The following KLF12 variants were observed in gnomAD, a reference collection of about 807,000 sequenced individuals.
The protein encoded by KLF12 is Krueppel-like factor 12.
A neutral mutation model predicts 37.8 loss-of-function variants in KLF12; 9 were observed. The observed-to-expected ratio is 0.24, with a 90% CI of 0.14 to 0.42. The LOEUF (loss-of-function observed/expected upper bound fraction) is 0.42. Among genes scored for constraint, KLF12 ranks in the 10% least tolerant of loss-of-function variants. The pLI, the probability that KLF12 is intolerant of heterozygous loss-of-function variation, is 1.00. For synonymous variants in KLF12, 208 were observed against 202.1 expected (o/e 1.03, Z -0.25); for missense variants, 411 against 516.0 (o/e 0.80, Z 1.97).
chr13:73,731,416 ATAACT>A (rs1199568372), intron 6 of KLF12, among the ~76,000 whole-genome samples: 2 of 152,026 alleles, frequency 1.3e-5, no homozygotes, highest in African/African-American at 4.8e-5. Flanking sequence ...ATTTCCAGAA[ATAACT>A]TAAATGGATT....
rs549687773 is a variant in KLF12, at chr13:74,131,587, A to T, written c.-32+2152T>A. Among the ~76,000 whole-genome samples the T allele has an allele frequency of 3.9e-5, 6 of 152,330 alleles. No individual in the cohort carries two copies. The East Asian group carries it at 9.6e-4, about 24-fold the overall frequency. On this transcript the variant is annotated intron_variant, in intron 1 of 7. Coordinates refer to ENST00000377669, the MANE Select transcript of KLF12 (RefSeq NM_007249.5). ...GAGAATATTAAGGACTCATTAGCAC[A>T]ACAATTTTTTTCAATAAACAGTAAT... is the stretch of plus-strand genomic sequence containing the variant.
intron 4 of KLF12, among the ~76,000 whole-genome samples, chr13:73,827,022 C>T (rs1883885975): frequency 1.3e-5 from 2 of 152,192 alleles, no homozygotes; most frequent in African/African-American, 4.8e-5. Context: ...CTTAAGTGAT[C>T]TGCCCACCTT....
the KLF12 span, among the ~76,000 whole-genome samples, chr13:74,198,078 A>C: frequency 2.6e-5 from 4 of 152,130 alleles, no homozygotes; most frequent in Non-Finnish European, 5.9e-5. Flanking sequence ...GAGACAAAGA[A>C]AAAAATCTCT....
chr13:74,140,022 T>A, the KLF12 span, among the ~76,000 whole-genome samples: 1 of 152,150 alleles, frequency 6.6e-6, no homozygotes, highest in Admixed American at 6.5e-5. Flanking sequence ...ATAAAACTGA[T>A]AAATAACTAT....
chr13:73,955,627 A>C (rs1208740470), intron 2 of KLF12, among the ~76,000 whole-genome samples: 4 of 152,216 alleles, frequency 2.6e-5, no homozygotes, highest in Admixed American at 2.6e-4. Context: ...ACATAGTGCT[A>C]AATAAAAAGC....
intron 2 of KLF12, among the ~76,000 whole-genome samples, chr13:73,950,427 T>A (rs1890601801): frequency 6.6e-6 from 1 of 152,232 alleles, no homozygotes; most frequent in Non-Finnish European, 1.5e-5. Context: ...CATCTGAGCT[T>A]CCGAATAACA....
chr13:74,283,985 G>T, the KLF12 span, among the ~76,000 whole-genome samples: 2 of 151,330 alleles, frequency 1.3e-5, no homozygotes, highest in African/African-American at 4.9e-5. Context: ...TCAGCCTCCC[G>T]TAGCTGGGAT....
chr13:73,817,134 T>C (rs1883265999), intron 4 of KLF12, among the ~76,000 whole-genome samples: 1 of 151,332 alleles, frequency 6.6e-6, no homozygotes, highest in Non-Finnish European at 1.5e-5. Context: ...CCAGACAACG[T>C]AGTGAGACCC....
intron 1 of KLF12, among the ~76,000 whole-genome samples, chr13:74,106,604 G>A (rs1876664848): frequency 3.3e-5 from 5 of 152,112 alleles, no homozygotes; most frequent in Admixed American, 2.6e-4. Context: ...GTGTTCACAG[G>A]AATTCTGCAT....
At chr13:73,815,897 A>G (rs972280388) in intron 4 of KLF12, among the ~76,000 whole-genome samples, 5 of 152,256 alleles carry the variant, frequency 3.3e-5, no homozygotes, top group South Asian at 2.1e-4. Context: ...GAGTTGTTAC[A>G]TGATCATCTA....
the KLF12 span, among the ~76,000 whole-genome samples, chr13:74,179,500 A>G: frequency 6.6e-6 from 1 of 152,202 alleles, no homozygotes; most frequent in African/African-American, 2.4e-5. Context: ...AATGATTTAA[A>G]TGAAGGGAGC....
intron 1 of KLF12, among the ~76,000 whole-genome samples, chr13:74,075,163 G>C (rs1392825684): frequency 6.6e-6 from 1 of 152,152 alleles, no homozygotes; most frequent in Non-Finnish European, 1.5e-5. Flanking sequence ...TACAGAGCAG[G>C]AATTTACTAA....
At chr13:73,830,265 G>A (rs1356819027) in intron 4 of KLF12, among the ~76,000 whole-genome samples, 1 of 148,528 alleles carries the variant, frequency 6.7e-6, no homozygotes, top group African/African-American at 2.4e-5. Context: ...GAACGTGACA[G>A]AAAATACTTC....
At chr13:74,164,423 C>T in the KLF12 span, among the ~76,000 whole-genome samples, 1 of 151,706 alleles carries the variant, frequency 6.6e-6, no homozygotes, top group Non-Finnish European at 1.5e-5. Context: ...TTATATTACC[C>T]CAGTAGAAAG....
chr13:73,781,626 G>T (rs1458247079), intron 5 of KLF12, among the ~76,000 whole-genome samples: 1 of 152,150 alleles, frequency 6.6e-6, no homozygotes, highest in African/African-American at 2.4e-5. Context: ...GCTGGGTCTG[G>T]AAATTACCCA....
intron 5 of KLF12, among the ~76,000 whole-genome samples, chr13:73,785,511 G>T (rs965974905): frequency 2.6e-5 from 4 of 151,938 alleles, no homozygotes; most frequent in African/African-American, 9.7e-5. Context: ...TTTTAATTGT[G>T]CATTTCCAAC....
intron 3 of KLF12, among the ~76,000 whole-genome samples, chr13:73,910,766 A>T (rs907245795): frequency 6.6e-6 from 1 of 152,196 alleles, no homozygotes. Flanking sequence ...TTAATGCCCA[A>T]TGTGGCTGTA....
At chr13:74,031,649 A>G (rs190322391) in intron 1 of KLF12, among the ~76,000 whole-genome samples, 12 of 152,282 alleles carry the variant, frequency 7.9e-5, no homozygotes. Flanking sequence ...ATCTACAAGC[A>G]GTGCATTATA....
At chr13:73,719,553 T>A (rs1219344782) in intron 6 of KLF12, among the ~76,000 whole-genome samples, 2 of 152,084 alleles carry the variant, frequency 1.3e-5, no homozygotes, top group African/African-American at 4.8e-5. Flanking sequence ...TGATTCCAAG[T>A]CTTCAGACAA....
Sources: gnomAD v4.1 joint callset for allele counts (sites outside exome capture counted in the v4.1 genomes callset) on GRCh38, gnomAD v4.1.1 for gene constraint, MANE v1.5 for transcripts, NCBI Gene and HGNC (gene_info 2026-07-23, HGNC 2026-07-21) for gene names.